SSBP3: variants seen among roughly 807,000 people sequenced by gnomAD.
SSBP3 encodes single stranded DNA binding protein 3, also known as single-stranded DNA-binding protein 3.
A neutral mutation model predicts 69.6 loss-of-function variants in SSBP3; 5 were observed. The observed-to-expected ratio is 0.07, with a 90% CI of 0.04 to 0.15. The LOEUF is 0.15. Ranked by LOEUF, SSBP3 falls within the 10% of genes least tolerant of loss-of-function variation. SSBP3 has a pLI of 1.00. For synonymous variants in SSBP3, 196 were observed against 193.4 expected, an observed-to-expected ratio of 1.01 and a Z score of -0.11; for missense variants, 312 against 534.0, an observed-to-expected ratio of 0.58 and a Z score of 4.10.
chr1:54,280,051 T>C (rs112641621), intron 5 of SSBP3, among the ~76,000 whole-genome samples: 2 of 152,326 alleles, frequency 1.3e-5, no homozygotes, highest in African/African-American at 2.4e-5. Flanking sequence ...CAGATCCACA[T>C]GTGGCCATCC....
intron 4 of SSBP3, among the ~76,000 whole-genome samples, chr1:54,399,177 C>T (rs552974293): frequency 3.9e-5 from 6 of 152,320 alleles, no homozygotes; most frequent in South Asian, 2.1e-4. Flanking sequence ...GAATAGTTCA[C>T]GGTCTCCACC....
At chr1:54,228,870 C>A in intron 14 of SSBP3, 44 bp from the exon 15 acceptor site, 1 of 1,580,718 alleles carries the variant, frequency 6.3e-7, no homozygotes, top group Non-Finnish European at 8.6e-7. Context: ...GGGCCCTGGC[C>A]CTCTGCACCC....
At chr1:54,326,072 G>A (rs891769109) in intron 4 of SSBP3, among the ~76,000 whole-genome samples, 3 of 152,014 alleles carry the variant, frequency 2.0e-5, no homozygotes, top group Non-Finnish European at 2.9e-5. Context: ...CAGGGATGGC[G>A]GTGCTGATGG....
At chr1:54,405,871 CCCGCCCGCCCACCTGCCTCCCA>C (rs1040452107) in intron 1 of SSBP3, 60 bp downstream of exon 1, 1 of 113,114 alleles carries the variant, frequency 8.8e-6, no homozygotes, top group African/African-American at 3.0e-5. Context: ...CCGGCCCCCG[CCCGCCCGCCCACCTGCCTCCCA>C]CCGCCCGCCC....
chr1:54,276,085 A>C (rs1013619761), intron 5 of SSBP3, among the ~76,000 whole-genome samples: 1 of 152,180 alleles, frequency 6.6e-6, no homozygotes, highest in Non-Finnish European at 1.5e-5. Flanking sequence ...GGCAGGAATG[A>C]GGACTCAACG....
intron 4 of SSBP3, among the ~76,000 whole-genome samples, chr1:54,323,156 C>A (rs901627214): frequency 5.3e-5 from 8 of 152,144 alleles, no homozygotes; most frequent in African/African-American, 1.9e-4. Context: ...CAATGGACAG[C>A]CCTTAAGCAA....
chr1:54,290,623 G>A (rs1278151787), intron 4 of SSBP3, among the ~76,000 whole-genome samples: 1 of 152,186 alleles, frequency 6.6e-6, no homozygotes, highest in African/African-American at 2.4e-5. Flanking sequence ...TTCTTCTGGG[G>A]ACTGGATCAA....
At chr1:54,358,492 A>G (rs1646902985) in intron 4 of SSBP3, among the ~76,000 whole-genome samples, 1 of 152,186 alleles carries the variant, frequency 6.6e-6, no homozygotes, top group African/African-American at 2.4e-5. Flanking sequence ...GCTAAACTAC[A>G]GACCATTTCT....
chr1:54,255,962 C>T (rs1276865010), intron 7 of SSBP3, among the ~76,000 whole-genome samples: 2 of 152,012 alleles, frequency 1.3e-5, no homozygotes, highest in African/African-American at 2.4e-5. Flanking sequence ...ATCCCAGTTA[C>T]TTGGGTGGCT....
intron 3 of SSBP3, among the ~76,000 whole-genome samples, chr1:54,404,132 C>T (rs534372743): frequency 4.6e-4 from 70 of 152,144 alleles, no homozygotes; most frequent in African/African-American, 1.7e-3. Flanking sequence ...TGGAAAAAGC[C>T]CCGGTAGATG....
chr1:54,244,250 C>T (rs1348288452), intron 9 of SSBP3, among the ~76,000 whole-genome samples: 2 of 152,136 alleles, frequency 1.3e-5, no homozygotes, highest in African/African-American at 2.4e-5. Flanking sequence ...ATTATAGGCG[C>T]CCACGACCAT....
At chr1:54,255,282 A>G (rs1218198836) in intron 7 of SSBP3, among the ~76,000 whole-genome samples, 1 of 152,110 alleles carries the variant, frequency 6.6e-6, no homozygotes, top group African/African-American at 2.4e-5. Flanking sequence ...GTAGAAATAT[A>G]CACACCCCTC....
At chr1:54,344,713 A>C (rs1330591053) in intron 4 of SSBP3, among the ~76,000 whole-genome samples, 1 of 152,208 alleles carries the variant, frequency 6.6e-6, no homozygotes, top group African/African-American at 2.4e-5. Context: ...GATGAGAGAT[A>C]GCAACAGAGA....
chr1:54,238,777 G>A (rs1644547815), intron 14 of SSBP3: 3 of 285,954 alleles, frequency 1.0e-5, no homozygotes, highest in Non-Finnish European at 2.0e-5. Context: ...AGGAGGAGAG[G>A]GATTGCCCGG....
chr1:54,227,774 T>C (rs1644312627), intron 17 of SSBP3, among the ~76,000 whole-genome samples: 1 of 152,214 alleles, frequency 6.6e-6, no homozygotes. Flanking sequence ...AGATGAGGTT[T>C]CACCATGTTG....
intron 4 of SSBP3, among the ~76,000 whole-genome samples, chr1:54,361,882 G>A (rs1021651172): frequency 3.9e-5 from 6 of 152,188 alleles, no homozygotes; most frequent in African/African-American, 1.4e-4. Flanking sequence ...ACTGGGAGGT[G>A]TTGTCATCGT....
At chr1:54,294,703 T>G (rs1324013589) in intron 4 of SSBP3, among the ~76,000 whole-genome samples, 1 of 152,074 alleles carries the variant, frequency 6.6e-6, no homozygotes, top group Non-Finnish European at 1.5e-5. Flanking sequence ...CCAGCCTCCC[T>G]TCCATCTCCA....
chr1:54,330,693 A>T (rs1327004748), intron 4 of SSBP3, among the ~76,000 whole-genome samples: 2 of 141,440 alleles, frequency 1.4e-5, no homozygotes, highest in East Asian at 2.2e-4. Context: ...CAACGCTCCA[A>T]CCTTGTGCAG....
At chr1:54,296,708 G>C (rs11206322) in intron 4 of SSBP3, among the ~76,000 whole-genome samples, 6,394 of 152,312 alleles carry the variant, frequency 0.042, 458 homozygotes, top group African/African-American at 0.15. Context: ...CCCTGGAACA[G>C]TGCCTGGCAC....
Sources: allele counts gnomAD v4.1 joint callset (sites outside exome capture counted in the v4.1 genomes callset), GRCh38; gene constraint gnomAD v4.1.1; transcripts MANE v1.5; gene names NCBI Gene and HGNC (gene_info 2026-07-23, HGNC 2026-07-21).